ZNF143: variants seen among roughly 807,000 people sequenced by gnomAD.
ZNF143 encodes the protein SPH-binding factor.
ZNF143 carries 49 observed loss-of-function variants against 74.1 expected under a neutral mutation model. The ratio of observed to expected loss-of-function variants is 0.66; its 90% CI spans 0.53 to 0.84. The LOEUF is 0.84. ZNF143 is among the 40% of genes least tolerant of loss of function. ZNF143 has a pLI of 0.00. For missense variants in ZNF143, 637 were observed against 793.4 expected (o/e 0.80, Z 2.37); for synonymous variants, 304 against 282.8 (o/e 1.07, Z -0.75).
rs1229873507 is a variant in ZNF143 at position 9,527,585 on chromosome 11, A to G, written c.1889A>G (p.Gln630Arg). 1.9e-6 allele frequency: 3 copies of G among 1,614,142 alleles called. No homozygotes were observed. The highest frequency in any genetic ancestry group is 2.5e-6 in the Non-Finnish European group (3 of 1,179,990). ...EAIRIASRIQ[Q>R]GETPGLDD Reference sequence around the variant, plus strand: ...ATCAGAATAGCGTCTAGAATCCAACAAGGAGAAACGCCAGGGTTGGATGAT... The same window carrying G: ...ATCAGAATAGCGTCTAGAATCCAACGAGGAGAAACGCCAGGGTTGGATGAT... Residue 630 changes from glutamine to arginine, a missense_variant, in exon 16 of 16, where the codon CAA becomes CGA. Coordinates refer to ENST00000396602, the MANE Select transcript of ZNF143 (RefSeq NM_003442.6).
chr11:9,478,413 C>G lies in ZNF143; in HGVS notation c.397C>G (p.Gln133Glu). 1 of 1,614,082 alleles carries G rather than the reference C, an allele frequency of 6.2e-7. No individual in the cohort carries two copies. The highest frequency in any genetic ancestry group is 8.5e-7 in the Non-Finnish European group (1 of 1,179,960). Residue 133 changes from glutamine (Q) to glutamate (E), a missense_variant, in exon 6 of 16, where the codon CAG becomes GAG. Gln to Glu is a conservative substitution (Grantham distance 29, BLOSUM62 2). This residue lies in a region of ZNF143 where 293 missense variants were observed against 307.8 expected (regional missense o/e 0.95). Transcript: ENST00000396602. ...AGATAGTTATGACCAGAGTGCATTA[C>G]AGGCGGTTCAGCTGGAAGATGGTAC... ...SKDSYDQSAL[Q>E]AVQLEDGTTA...
rs928660515 is a variant in ZNF143, at chr11:9,465,376, G to A, written c.-8+4300G>A. On this transcript the variant is annotated intron_variant, in intron 1 of 15. Transcript: ENST00000396602. ...TAATTTTTTTATTTTTAGTAGAGAC[G>A]GGGTTTCACCATGTTGGCCAGGCTG... Among the ~76,000 whole-genome samples, 9 of 151,704 alleles carry A rather than the reference G, an allele frequency of 5.9e-5. 1 individual carries two copies. The South Asian group carries it at 1.0e-3, about 18-fold the overall frequency.
chr11:9,465,569 G>A lies in ZNF143; in HGVS notation c.-8+4493G>A, dbSNP rs1169644860. 3.3e-5 allele frequency among the ~76,000 whole-genome samples: 5 copies of A among 150,688 alleles called. No homozygotes were observed. In the East Asian group the frequency reaches 5.9e-4, roughly 18 times the overall value. On this transcript the variant is annotated intron_variant, in intron 1 of 15. Coordinates refer to ENST00000396602, the MANE Select transcript of ZNF143 (RefSeq NM_003442.6). ...GGCTGGAGTGCAGTGGCGTGATCTC[G>A]GCTCTCTGCAAGCTCTGCCTCCCAG...
At chr11:9,462,340 C>A (rs763065657) in intron 1 of ZNF143, among the ~76,000 whole-genome samples, 1 of 150,416 alleles carries the variant, frequency 6.6e-6, no homozygotes, top group Non-Finnish European at 1.5e-5. Flanking sequence ...CCTTACAGTT[C>A]ACCCATTTAA....
intron 10 of ZNF143, among the ~76,000 whole-genome samples, chr11:9,500,347 G>A (rs1214941309): frequency 7.9e-6 from 1 of 127,162 alleles, no homozygotes; most frequent in African/African-American, 2.9e-5. Flanking sequence ...TTTTTTTTTG[G>A]TTCAGTAACA....
At chr11:9,505,896 A>C (rs972046315) in intron 11 of ZNF143, among the ~76,000 whole-genome samples, 1 of 151,716 alleles carries the variant, frequency 6.6e-6, no homozygotes, top group Non-Finnish European at 1.5e-5. Flanking sequence ...AAAAAAAAAA[A>C]AGGAAAAGAC....
chr11:9,507,345 C>G (rs548170291), intron 11 of ZNF143, among the ~76,000 whole-genome samples: 1 of 152,110 alleles, frequency 6.6e-6, no homozygotes, highest in Non-Finnish European at 1.5e-5. Context: ...TTTTTCTTCC[C>G]CCATTCCATA....
At chr11:9,515,586 G>A (rs930099267) in intron 13 of ZNF143, among the ~76,000 whole-genome samples, 6 of 151,478 alleles carry the variant, frequency 4.0e-5, no homozygotes, top group Non-Finnish European at 7.4e-5. Context: ...CCCGGGAGGC[G>A]GAGCTTCCAG....
intron 9 of ZNF143, among the ~76,000 whole-genome samples, chr11:9,497,243 G>C (rs1397674070): frequency 6.6e-6 from 1 of 152,072 alleles, no homozygotes; most frequent in African/African-American, 2.4e-5. Flanking sequence ...TTTTTTGTTT[G>C]TTTTTGAGAC....
At chr11:9,518,327 A>G (rs958986997) in intron 14 of ZNF143, among the ~76,000 whole-genome samples, 5 of 152,228 alleles carry the variant, frequency 3.3e-5, no homozygotes, top group Admixed American at 2.6e-4. Context: ...ATGTTGGCAA[A>G]GATGTGGAGC....
chr11:9,508,974 C>T (rs1354003544), intron 12 of ZNF143, 128 bp downstream of exon 12: 9 of 996,682 alleles, frequency 9.0e-6, no homozygotes, highest in Non-Finnish European at 1.0e-5. Flanking sequence ...ACATAATTTA[C>T]AGCTGCAGTA....
chr11:9,509,925 A>G (rs957961955), intron 12 of ZNF143, among the ~76,000 whole-genome samples: 4 of 152,190 alleles, frequency 2.6e-5, no homozygotes, highest in African/African-American at 9.6e-5. Context: ...ACAGTTAATA[A>G]TAATGTACTG....
At chr11:9,526,308 C>T (rs756504469) in intron 15 of ZNF143, among the ~76,000 whole-genome samples, 12 of 151,650 alleles carry the variant, frequency 7.9e-5, no homozygotes, top group Non-Finnish European at 1.5e-4. Context: ...GAGCCAAGAT[C>T]GCACCACTGT....
intron 7 of ZNF143, among the ~76,000 whole-genome samples, chr11:9,486,420 T>TTATTATATATA (rs1847528913): frequency 3.2e-5 from 1 of 31,038 alleles, no homozygotes; most frequent in Non-Finnish European, 6.4e-5. Flanking sequence ...ATAATATATA[T>TTATTATATATA]TATATATATT....
intron 7 of ZNF143, among the ~76,000 whole-genome samples, chr11:9,486,413 A>ATATATATATATAT (rs1847521519): frequency 2.6e-4 from 1 of 3,814 alleles, no homozygotes; most frequent in African/African-American, 7.9e-4. Context: ...TATATATATA[A>ATATATATATATAT]TATATATTAT....
intron 11 of ZNF143, among the ~76,000 whole-genome samples, chr11:9,501,925 C>CCT (rs1848174657): frequency 2.7e-5 from 1 of 37,440 alleles, no homozygotes; most frequent in Non-Finnish European, 4.7e-5. Context: ...TGGATATATT[C>CCT]TTTTTTTTTT....
intron 11 of ZNF143, 72 bp from the exon 12 acceptor site, chr11:9,508,547 C>A: frequency 6.9e-7 from 1 of 1,441,734 alleles, no homozygotes; most frequent in East Asian, 2.3e-5. Context: ...ATTTTACCCC[C>A]TGGGGGGGAA....
chr11:9,515,869 G>C (rs10770036), intron 13 of ZNF143, among the ~76,000 whole-genome samples: 116,322 of 151,410 alleles, frequency 0.77, 45,207 homozygotes, highest in Middle Eastern at 0.86. Context: ...CCTATAGTCA[G>C]AGCTACTTAA....
At chr11:9,470,702 T>C (rs1172250938) in intron 1 of ZNF143, among the ~76,000 whole-genome samples, 2 of 152,104 alleles carry the variant, frequency 1.3e-5, no homozygotes, top group African/African-American at 2.4e-5. Flanking sequence ...GATTTGGGGA[T>C]TTTACTCTGA....
Sources: gnomAD v4.1 joint callset for allele counts (sites outside exome capture counted in the v4.1 genomes callset) on GRCh38, gnomAD v4.1.1 for gene constraint, gnomAD v4.1.1 regional missense constraint, MANE v1.5 for transcripts, NCBI Gene and HGNC (gene_info 2026-07-23, HGNC 2026-07-21) for gene names.